Variants in PCDH15 observed in about 807,000 individuals in gnomAD.
PCDH15 encodes protocadherin related 15, also known as protocadherin-15.
In PCDH15, 129 loss-of-function variants were observed where a neutral mutation model predicts 178.5. The ratio of observed to expected loss-of-function variants is 0.72; its 90% CI spans 0.63 to 0.84. The LOEUF is 0.84. PCDH15 is among the 40% of genes least tolerant of loss of function. The pLI is 0.00. For missense variants in PCDH15, 2,230 were observed against 2,099.9 expected (o/e 1.06, Z -1.21); for synonymous variants, 800 against 732.0 (o/e 1.09, Z -1.50).
chr10:55,474,213 A>C (rs948860592), intron 2 of PCDH15, among the ~76,000 whole-genome samples: 8 of 152,228 alleles, frequency 5.3e-5, no homozygotes, highest in African/African-American at 1.9e-4. Flanking sequence ...AGGAAGTATA[A>C]GGAGCATCCA....
At chr10:54,550,177 T>A (rs1368896013) in intron 2 of PCDH15, among the ~76,000 whole-genome samples, 1 of 152,166 alleles carries the variant, frequency 6.6e-6, no homozygotes, top group Non-Finnish European at 1.5e-5. Context: ...ATCACCACAT[T>A]TTAAAAAGAG....
At chr10:54,055,804 TC>T (rs35483137) in intron 18 of PCDH15, among the ~76,000 whole-genome samples, 2,424 of 152,340 alleles carry the variant, frequency 0.016, 57 homozygotes, top group African/African-American at 0.055. Flanking sequence ...AAGAAGTTTT[TC>T]TCATGATCAT....
At chr10:54,135,283 A>G (rs1237983430) in intron 14 of PCDH15, among the ~76,000 whole-genome samples, 2 of 152,170 alleles carry the variant, frequency 1.3e-5, no homozygotes, top group African/African-American at 4.8e-5. Flanking sequence ...AATATTTTAA[A>G]CTTTCATAGT....
chr10:54,497,858 G>C (rs1219511943), intron 3 of PCDH15, among the ~76,000 whole-genome samples: 2 of 152,054 alleles, frequency 1.3e-5, no homozygotes, highest in Admixed American at 6.6e-5. Context: ...GTTGGAGGGA[G>C]AGCAAAAAAT....
intron 2 of PCDH15, among the ~76,000 whole-genome samples, chr10:55,022,452 C>CAAAAAA: frequency 1.0e-5 from 1 of 99,420 alleles, no homozygotes; most frequent in African/African-American, 4.3e-5. Flanking sequence ...ACTCTGTCTC[C>CAAAAAA]AAAAAAAAAA....
intron 2 of PCDH15, among the ~76,000 whole-genome samples, chr10:55,550,955 A>G (rs1177489002): frequency 6.6e-6 from 1 of 152,080 alleles, no homozygotes; most frequent in East Asian, 1.9e-4. Flanking sequence ...AATGAATTCT[A>G]TTCTGTTTTC....
At chr10:55,578,116 A>G (rs530479990) in intron 2 of PCDH15, among the ~76,000 whole-genome samples, 12 of 152,250 alleles carry the variant, frequency 7.9e-5, no homozygotes, top group Non-Finnish European at 1.5e-4. Context: ...ATACTTCTGA[A>G]TGTTTTAAAT....
At chr10:54,426,322 A>G (rs1446381689) in intron 3 of PCDH15, among the ~76,000 whole-genome samples, 1 of 152,170 alleles carries the variant, frequency 6.6e-6, no homozygotes, top group Non-Finnish European at 1.5e-5. Context: ...TTTCGGGATG[A>G]AACTGTTCCA....
chr10:54,621,038 TC>T (rs1011145997), intron 2 of PCDH15, among the ~76,000 whole-genome samples: 1 of 152,022 alleles, frequency 6.6e-6, no homozygotes, highest in Non-Finnish European at 1.5e-5. Context: ...TATATTCTGT[TC>T]CCTAAGGTAC....
chr10:55,433,783 A>G lies in PCDH15; in HGVS notation c.-156+193842T>C, dbSNP rs539123600. 1.6e-4 allele frequency among the ~76,000 whole-genome samples: 25 copies of G among 152,106 alleles called. No individual in the cohort carries two copies. In the South Asian group the frequency reaches 3.5e-3, roughly 21 times the overall value. On this transcript the variant is annotated intron_variant, in intron 2 of 5. Coordinates refer to the PCDH15 transcript ENST00000613346. Reference sequence around the variant, plus strand: ...TTATATTATTATTTCTATGATTTCAATTCACTTGGGATGTATCTTCGTGCC... The same window carrying G: ...TTATATTATTATTTCTATGATTTCAGTTCACTTGGGATGTATCTTCGTGCC...
intron 2 of PCDH15, among the ~76,000 whole-genome samples, chr10:54,904,502 A>G (rs1013790765): frequency 1.3e-5 from 2 of 152,092 alleles, no homozygotes; most frequent in Non-Finnish European, 2.9e-5. Flanking sequence ...AACAAAATCT[A>G]TATAATAAGA....
At chr10:54,798,628 TAG>T (rs1564500497) in intron 1 of PCDH15, among the ~76,000 whole-genome samples, 1 of 152,060 alleles carries the variant, frequency 6.6e-6, no homozygotes, top group Non-Finnish European at 1.5e-5. Flanking sequence ...ACTCTTAAAA[TAG>T]AGTCTGAAGT....
chr10:55,180,599 C>T (rs1368418204), intron 1 of PCDH15, among the ~76,000 whole-genome samples: 6 of 152,058 alleles, frequency 3.9e-5, no homozygotes, highest in Non-Finnish European at 7.4e-5. Flanking sequence ...TGCAATAACT[C>T]AGGTAAGATT....
intron 13 of PCDH15, among the ~76,000 whole-genome samples, chr10:54,157,299 T>C (rs764449796): frequency 1.3e-5 from 2 of 152,236 alleles, no homozygotes; most frequent in African/African-American, 4.8e-5. Context: ...TTTCCATACA[T>C]CCTCTGAAAT....
At chr10:54,629,804 T>G (rs1041091331) in intron 2 of PCDH15, among the ~76,000 whole-genome samples, 2 of 152,020 alleles carry the variant, frequency 1.3e-5, no homozygotes, top group Non-Finnish European at 2.9e-5. Flanking sequence ...TCAAATTAAC[T>G]CTCTTTGGTG....
intron 2 of PCDH15, among the ~76,000 whole-genome samples, chr10:55,571,810 T>C (rs1304048448): frequency 6.6e-6 from 1 of 152,112 alleles, no homozygotes; most frequent in Admixed American, 6.6e-5. Context: ...TTCCAGTTTA[T>C]ACAAGCCTGA....
chr10:55,081,888 T>C (rs1842048550), intron 2 of PCDH15, among the ~76,000 whole-genome samples: 1 of 152,192 alleles, frequency 6.6e-6, no homozygotes. Flanking sequence ...GTAGCAATTA[T>C]ATATGAACCA....
intron 1 of PCDH15, among the ~76,000 whole-genome samples, chr10:54,718,023 A>G (rs2095502021): frequency 6.7e-6 from 1 of 148,816 alleles, no homozygotes; most frequent in South Asian, 2.1e-4. Context: ...AAAAAACCAA[A>G]CACCGCACAG....
At chr10:54,208,306 C>T (rs1250966768) in intron 10 of PCDH15, among the ~76,000 whole-genome samples, 1 of 151,914 alleles carries the variant, frequency 6.6e-6, no homozygotes, top group South Asian at 2.1e-4. Flanking sequence ...AAAAGATAAA[C>T]TTATTATATT....
Sources: gnomAD v4.1 joint callset for allele counts (sites outside exome capture counted in the v4.1 genomes callset) on GRCh38, gnomAD v4.1.1 for gene constraint, MANE v1.5 for transcripts, NCBI Gene and HGNC (gene_info 2026-07-23, HGNC 2026-07-21) for gene names.